TANC2: variants seen among roughly 807,000 people sequenced by gnomAD.
TANC2 encodes the protein protein TANC2.
A neutral mutation model predicts 210.5 loss-of-function variants in TANC2; 26 were observed. The observed-to-expected ratio is 0.12, with a 90% CI of 0.09 to 0.17. The LOEUF (loss-of-function observed/expected upper bound fraction) is 0.17. Ranked by LOEUF, TANC2 falls within the 10% of genes least tolerant of loss-of-function variation. The pLI is 1.00. For synonymous variants in TANC2, 931 were observed against 967.1 expected (o/e 0.96, Z 0.69); for missense variants, 2,129 against 2,608.9 (o/e 0.82, Z 4.01).
At chr17:63,388,289 T>A (rs2047849888) in intron 15 of TANC2, among the ~76,000 whole-genome samples, 1 of 152,196 alleles carries the variant, frequency 6.6e-6, no homozygotes, top group South Asian at 2.1e-4. Context: ...CGTGATCACA[T>A]TGCATTATTT....
At chr17:63,091,591 C>G (rs2037196064) in intron 3 of TANC2, among the ~76,000 whole-genome samples, 1 of 152,142 alleles carries the variant, frequency 6.6e-6, no homozygotes, top group South Asian at 2.1e-4. Flanking sequence ...GGTACCAGTA[C>G]CATGCTGTTT....
chr17:63,250,249 C>G (rs561243720), intron 8 of TANC2, among the ~76,000 whole-genome samples: 1 of 151,886 alleles, frequency 6.6e-6, no homozygotes, highest in East Asian at 1.9e-4. Context: ...ATGTCTTATA[C>G]TTGTATCTGG....
At chr17:63,325,346 G>A (rs970245793) in intron 11 of TANC2, among the ~76,000 whole-genome samples, 20 of 152,274 alleles carry the variant, frequency 1.3e-4, no homozygotes, top group African/African-American at 4.8e-4. Flanking sequence ...GCTATGTCTT[G>A]CCTTAGGGCC....
At chr17:63,225,863 C>T (rs764555502) in intron 7 of TANC2, among the ~76,000 whole-genome samples, 2 of 152,126 alleles carry the variant, frequency 1.3e-5, no homozygotes, top group Non-Finnish European at 2.9e-5. Flanking sequence ...AAAAAGATTA[C>T]GTTTTCATTT....
intron 16 of TANC2, among the ~76,000 whole-genome samples, chr17:63,389,018 A>G (rs894327473): frequency 3.3e-5 from 5 of 152,230 alleles, no homozygotes; most frequent in African/African-American, 1.2e-4. Context: ...GATCTCAGGT[A>G]GCCTTTGTCT....
chr17:63,375,046 C>G (rs1169709625), intron 14 of TANC2, among the ~76,000 whole-genome samples: 1 of 152,170 alleles, frequency 6.6e-6, no homozygotes, highest in East Asian at 1.9e-4. Context: ...AGGGAAAGCT[C>G]CAACTTCAAA....
chr17:62,992,274 T>C (rs1057439247), intron 1 of TANC2, among the ~76,000 whole-genome samples: 1 of 152,190 alleles, frequency 6.6e-6, no homozygotes, highest in Non-Finnish European at 1.5e-5. Context: ...TATAGCAATC[T>C]AACTAGAAAC....
At chr17:63,293,816 T>C (rs2044453484) in intron 9 of TANC2, among the ~76,000 whole-genome samples, 1 of 141,326 alleles carries the variant, frequency 7.1e-6, no homozygotes, top group Non-Finnish European at 1.6e-5. Context: ...CACAGCTCAC[T>C]GCAGCCTCAA....
chr17:63,173,578 AT>A (rs1196248202), intron 5 of TANC2, among the ~76,000 whole-genome samples: 1 of 152,196 alleles, frequency 6.6e-6, no homozygotes, highest in African/African-American at 2.4e-5. Flanking sequence ...CAGTTAGCGC[AT>A]ATCTGAAGCC....
At chr17:63,003,558 A>G (rs763505059) in intron 1 of TANC2, among the ~76,000 whole-genome samples, 2 of 152,236 alleles carry the variant, frequency 1.3e-5, no homozygotes, top group Non-Finnish European at 2.9e-5. Flanking sequence ...GTGAGATTTC[A>G]TCAGGCTACT....
At chr17:63,415,860 G>A (rs980740665) in intron 26 of TANC2, among the ~76,000 whole-genome samples, 186 bp downstream of exon 26, 2 of 152,106 alleles carry the variant, frequency 1.3e-5, no homozygotes, top group African/African-American at 4.8e-5. Context: ...ATCTCAAACT[G>A]TACAGAAATT....
At chr17:63,071,284 G>A (rs572073864) in intron 2 of TANC2, among the ~76,000 whole-genome samples, 2 of 152,136 alleles carry the variant, frequency 1.3e-5, no homozygotes, top group South Asian at 4.1e-4. Context: ...TCTTAATAGA[G>A]TGTAGAATTT....
chr17:63,246,679 A>G (rs1368833490), intron 8 of TANC2, among the ~76,000 whole-genome samples: 1 of 152,156 alleles, frequency 6.6e-6, no homozygotes, highest in African/African-American at 2.4e-5. Flanking sequence ...ATTCCACTGT[A>G]TGACTGTACC....
chr17:62,987,363 C>T lies in TANC2; in HGVS notation c.-24+20614C>T, dbSNP rs142462066. Reference sequence around the variant, plus strand: ...AGATGAGGGCGCACTTCAGAGGTGGCCCTGGTCTCAGGATAGCACCATGTT... The same window carrying T: ...AGATGAGGGCGCACTTCAGAGGTGGTCCTGGTCTCAGGATAGCACCATGTT... On this transcript the variant is annotated intron_variant, in intron 1 of 27. Transcript: ENST00000689528. Among the ~76,000 whole-genome samples, 132 of 152,290 alleles carry T rather than the reference C, an allele frequency of 8.7e-4. 1 individual carries two copies. In the East Asian group the frequency reaches 0.01, roughly 12 times the overall value.
chr17:63,026,574 T>C (rs2034562921), intron 2 of TANC2, among the ~76,000 whole-genome samples: 1 of 152,166 alleles, frequency 6.6e-6, no homozygotes, highest in Non-Finnish European at 1.5e-5. Context: ...AAATAATTTG[T>C]TCTGAAATTT....
chr17:63,071,544 G>T (rs2036398628), intron 2 of TANC2, among the ~76,000 whole-genome samples: 1 of 152,126 alleles, frequency 6.6e-6, no homozygotes, highest in African/African-American at 2.4e-5. Flanking sequence ...CAGTGTACCA[G>T]AATTCCTACT....
intron 3 of TANC2, among the ~76,000 whole-genome samples, chr17:63,090,215 GT>G (rs56746099): frequency 5.9e-4 from 83 of 140,616 alleles, no homozygotes; most frequent in South Asian, 3.1e-3. Flanking sequence ...TTTTTTTTGA[GT>G]TTTTTTTTTT....
At chr17:63,417,736 C>T (rs992509098) in intron 26 of TANC2, among the ~76,000 whole-genome samples, 1 of 152,126 alleles carries the variant, frequency 6.6e-6, no homozygotes, top group African/African-American at 2.4e-5. Context: ...ATACACTATA[C>T]ACTTGGGGGT....
chr17:62,983,141 G>C (rs972106769), intron 1 of TANC2, among the ~76,000 whole-genome samples: 2 of 151,880 alleles, frequency 1.3e-5, no homozygotes, highest in Non-Finnish European at 2.9e-5. Context: ...GTATTTCGTA[G>C]TTTTTCTTAT....
Sources: allele counts gnomAD v4.1 joint callset (sites outside exome capture counted in the v4.1 genomes callset), GRCh38; gene constraint gnomAD v4.1.1; transcripts MANE v1.5; gene names NCBI Gene and HGNC (gene_info 2026-07-23, HGNC 2026-07-21).